PRDM16: variants seen among roughly 807,000 people sequenced by gnomAD.
PRDM16 encodes histone-lysine N-methyltransferase PRDM16.
A neutral mutation model predicts 110.6 loss-of-function variants in PRDM16; 23 were observed. That is an observed-to-expected ratio of 0.21 (90% CI 0.15 to 0.29). The LOEUF (loss-of-function observed/expected upper bound fraction) is 0.29. PRDM16 is among the 10% of genes least tolerant of loss of function. The probability of loss-of-function intolerance (pLI) is 1.00; values close to 1 mark genes in which losing one functional copy is unlikely to be tolerated. For missense variants in PRDM16, 1,615 were observed against 1,794.3 expected, an observed-to-expected ratio of 0.90 and a Z score of 1.81; for synonymous variants, 799 against 781.8, an observed-to-expected ratio of 1.02 and a Z score of -0.37.
At chr1:3,322,489 G>A (rs910193828) in intron 3 of PRDM16, among the ~76,000 whole-genome samples, 6 of 152,106 alleles carry the variant, frequency 3.9e-5, no homozygotes, top group African/African-American at 1.4e-4. Context: ...CCCGGCTGGG[G>A]CTCTCACTCT....
At chr1:3,410,216 A>G (rs1326262385) in intron 8 of PRDM16, among the ~76,000 whole-genome samples, 2 of 152,000 alleles carry the variant, frequency 1.3e-5, no homozygotes, top group East Asian at 3.9e-4. Context: ...TAGAAAAACA[A>G]GAGGCAAAAG....
chr1:3,415,170 G>A (rs1413628153), intron 10 of PRDM16, among the ~76,000 whole-genome samples: 2 of 152,172 alleles, frequency 1.3e-5, no homozygotes, highest in Admixed American at 6.5e-5. Context: ...CCAGACAGGT[G>A]GGTGCAGACC....
intron 3 of PRDM16, among the ~76,000 whole-genome samples, chr1:3,335,266 G>A (rs1376486416): frequency 3.9e-5 from 6 of 152,300 alleles, no homozygotes; most frequent in Non-Finnish European, 8.8e-5. Flanking sequence ...TCACCACACC[G>A]AGGAAGGCAC....
intron 1 of PRDM16, among the ~76,000 whole-genome samples, chr1:3,137,693 T>C (rs1179681847): frequency 1.3e-5 from 2 of 152,246 alleles, no homozygotes; most frequent in Non-Finnish European, 2.9e-5. Context: ...TCAGGTTTCC[T>C]ACCAGCAGGT....
At chr1:3,320,531 G>C (rs780911426) in intron 3 of PRDM16, among the ~76,000 whole-genome samples, 34 of 152,282 alleles carry the variant, frequency 2.2e-4, no homozygotes, top group Non-Finnish European at 4.0e-4. Context: ...GGTGACCCAG[G>C]TCACTGTTAT....
intron 1 of PRDM16, among the ~76,000 whole-genome samples, chr1:3,118,141 A>G (rs552899783): frequency 1.5e-4 from 22 of 148,590 alleles, no homozygotes; most frequent in African/African-American, 5.2e-4. Context: ...GTGTACATGC[A>G]TGTGTGTGCA....
At chr1:3,111,651 C>A (rs1232568248) in intron 1 of PRDM16, among the ~76,000 whole-genome samples, 3 of 152,012 alleles carry the variant, frequency 2.0e-5, no homozygotes, top group Non-Finnish European at 4.4e-5. Flanking sequence ...GGGCGCACGC[C>A]CCCTGGGGCG....
rs1643028483 is a variant in PRDM16 at position 3,378,192 on chromosome 1, C to T, written c.439-6960C>T. 3.3e-5 allele frequency among the ~76,000 whole-genome samples: 5 copies of T among 152,214 alleles called. No individual in the cohort carries two copies. In the South Asian group the frequency reaches 1.0e-3, roughly 32 times the overall value. ...CTTGGACACCACCTCCCTGAGTGTT[C>T]CTGTTGCCAGTGTTTCTTCCACCGA... is the stretch of plus-strand genomic sequence containing the variant. On this transcript the variant is annotated intron_variant, in intron 3 of 16. Coordinates refer to ENST00000270722, the MANE Select transcript of PRDM16 (RefSeq NM_022114.4).
intron 1 of PRDM16, among the ~76,000 whole-genome samples, chr1:3,138,916 G>C (rs934059437): frequency 2.0e-5 from 3 of 152,146 alleles, no homozygotes; most frequent in Admixed American, 6.5e-5. Flanking sequence ...TCAGTAAGAG[G>C]GAGGCGGGAT....
intron 3 of PRDM16, among the ~76,000 whole-genome samples, chr1:3,269,625 AGAGGAGCACAGTCCCG>A (rs1640384003): frequency 2.0e-5 from 2 of 98,474 alleles, no homozygotes; most frequent in African/African-American, 1.3e-4. Flanking sequence ...GCACAGTCCC[AGAGGAGCACAGTCCCG>A]GAGGAGGACA....
chr1:3,090,438 G>A (rs986742558), intron 1 of PRDM16, among the ~76,000 whole-genome samples: 2 of 152,284 alleles, frequency 1.3e-5, no homozygotes, highest in African/African-American at 4.8e-5. Flanking sequence ...ACTCCTCTGA[G>A]CCTGCGCACA....
intron 1 of PRDM16, among the ~76,000 whole-genome samples, chr1:3,085,244 G>A (rs1341894499): frequency 6.6e-6 from 1 of 152,226 alleles, no homozygotes; most frequent in Admixed American, 6.5e-5. Context: ...CTGGGTGGGT[G>A]CTGGGAGGGT....
chr1:3,089,734 C>T (rs977608383), intron 1 of PRDM16, among the ~76,000 whole-genome samples: 2 of 152,208 alleles, frequency 1.3e-5, no homozygotes, highest in South Asian at 2.1e-4. Flanking sequence ...TCCTCCGGGC[C>T]GAGCCTGATC....
chr1:3,349,978 C>CTGGAGG (rs1454447595), intron 3 of PRDM16, among the ~76,000 whole-genome samples: 1 of 50,422 alleles, frequency 2.0e-5, no homozygotes, highest in Non-Finnish European at 5.3e-5. Context: ...GTCCTGAGCC[C>CTGGAGG]TGGAGGAGAC....
At chr1:3,256,836 G>C (rs570231363) in intron 3 of PRDM16, among the ~76,000 whole-genome samples, 1 of 151,306 alleles carries the variant, frequency 6.6e-6, no homozygotes, top group African/African-American at 2.4e-5. Flanking sequence ...CAGCCTGGGC[G>C]ACAGAGTGCG....
intron 3 of PRDM16, among the ~76,000 whole-genome samples, chr1:3,311,228 C>T (rs1376538223): frequency 2.0e-5 from 3 of 152,216 alleles, no homozygotes; most frequent in African/African-American, 4.8e-5. Flanking sequence ...GTGGCCGCGG[C>T]GCTGCCGCCA....
chr1:3,408,510 C>T (rs558831186), intron 8 of PRDM16, among the ~76,000 whole-genome samples: 101 of 145,748 alleles, frequency 6.9e-4, no homozygotes, highest in African/African-American at 2.5e-3. Flanking sequence ...GCGCGTGCAC[C>T]GGTGCGTGTG....
At chr1:3,289,783 G>A (rs776802882) in intron 3 of PRDM16, among the ~76,000 whole-genome samples, 4 of 152,106 alleles carry the variant, frequency 2.6e-5, no homozygotes, top group Non-Finnish European at 5.9e-5. Flanking sequence ...CTGTGGTGTC[G>A]GCTCTAGTTC....
intron 3 of PRDM16, among the ~76,000 whole-genome samples, chr1:3,371,476 C>G (rs899160977): frequency 6.6e-6 from 1 of 150,570 alleles, no homozygotes; most frequent in Non-Finnish European, 1.5e-5. Flanking sequence ...CACCATCTAT[C>G]CATCCATCCA....
Sources: allele counts gnomAD v4.1 joint callset (sites outside exome capture counted in the v4.1 genomes callset), GRCh38; gene constraint gnomAD v4.1.1; transcripts MANE v1.5; gene names NCBI Gene and HGNC (gene_info 2026-07-23, HGNC 2026-07-21).